Variants in CCDC73 observed in about 807,000 individuals in gnomAD.
The protein encoded by CCDC73 is coiled-coil domain-containing protein 73.
Under a neutral mutation model 116.5 loss-of-function variants are expected in CCDC73, and 95 were observed. The observed-to-expected ratio is 0.82, with a 90% confidence interval of 0.69 to 0.97. The LOEUF is 0.97. Ranked by LOEUF, CCDC73 falls within the 50% of genes least tolerant of loss-of-function variation. CCDC73 has a pLI of 0.00. For missense variants in CCDC73, 1,066 were observed against 1,206.8 expected, an observed-to-expected ratio of 0.88 and a Z score of 1.73; for synonymous variants, 398 against 401.3, an observed-to-expected ratio of 0.99 and a Z score of 0.10.
chr11:32,613,624 AG>A lies in CCDC73; in HGVS notation c.2693del (p.Thr898IlefsTer5). On this transcript the variant is annotated frameshift_variant, in exon 16 of 18. Transcript: ENST00000335185. LOFTEE classifies it high-confidence loss of function. ...GGTCTGAAAAATTCATGTATACTGGAGTTTTCTCAGTTTTTTTATCTGAAGT... is the reference window on the plus strand; with the variant it reads ...GGTCTGAAAAATTCATGTATACTGGATTTTCTCAGTTTTTTTATCTGAAGT... ...LSTSDKKTEK[T>X]PVYMNFSDPG... is the part of the protein sequence containing the mutation. 1 of 1,613,870 alleles carries A rather than the reference AG, an allele frequency of 6.2e-7. No homozygotes were observed. The highest frequency in any genetic ancestry group is 1.1e-5 in the South Asian group (1 of 91,076).
chr11:32,745,339 T>C (rs1427734551), intron 2 of CCDC73, among the ~76,000 whole-genome samples: 1 of 152,222 alleles, frequency 6.6e-6, no homozygotes, highest in Non-Finnish European at 1.5e-5. Flanking sequence ...TGGTCAATTT[T>C]AGAATAAGTG....
At chr11:32,788,579 A>G (rs948071581) in intron 1 of CCDC73, among the ~76,000 whole-genome samples, 2 of 151,112 alleles carry the variant, frequency 1.3e-5, no homozygotes, top group South Asian at 2.1e-4. Context: ...AGCTCATGAG[A>G]TCCTCCCACC....
At chr11:32,617,997 T>G (rs185067711) in intron 14 of CCDC73, among the ~76,000 whole-genome samples, 2 of 152,314 alleles carry the variant, frequency 1.3e-5, no homozygotes, top group Admixed American at 6.5e-5. Context: ...GTAGTGGGCA[T>G]AGTAATCAAT....
chr11:32,636,277 C>T (rs1255571537), intron 13 of CCDC73, among the ~76,000 whole-genome samples: 1 of 151,946 alleles, frequency 6.6e-6, no homozygotes, highest in African/African-American at 2.4e-5. Flanking sequence ...ATTCTACAAA[C>T]ATTATACTTC....
rs1222398949 is a variant in CCDC73 at position 32,683,548 on chromosome 11, T to C, written c.417A>G (p.Lys139=). ...LQVSKYSLQK[K]VSEMEQKVQL... Reference sequence around the variant, plus strand: ...GTAATTTCCTTACCATTTCACTCACTTTCTTCTGTAAAGAGTATTTAGAAA... The same window carrying C: ...GTAATTTCCTTACCATTTCACTCACCTTCTTCTGTAAAGAGTATTTAGAAA... The change falls in exon 7 of 18, where the codon AAA becomes AAG. Residue 139 remains lysine, a synonymous_variant. Transcript: ENST00000335185. 1.6e-5 allele frequency: 25 copies of C among 1,523,870 alleles called. No individual in the cohort carries two copies. The highest frequency in any genetic ancestry group is 2.7e-5 in the African/African-American group (2 of 73,264). 94.4% of individuals were successfully genotyped at this position (1,523,870 alleles called of 1,614,324 possible).
chr11:32,736,617 T>C (rs1263542635), intron 2 of CCDC73, among the ~76,000 whole-genome samples: 1 of 151,914 alleles, frequency 6.6e-6, no homozygotes, highest in Non-Finnish European at 1.5e-5. Flanking sequence ...TCCTCAAGGA[T>C]CTAGAACTAG....
At chr11:32,742,138 C>T (rs1850193362) in intron 2 of CCDC73, among the ~76,000 whole-genome samples, 1 of 152,040 alleles carries the variant, frequency 6.6e-6, no homozygotes, top group East Asian at 1.9e-4. Context: ...TGTGTCTTTA[C>T]AGCAGCATGA....
intron 3 of CCDC73, among the ~76,000 whole-genome samples, chr11:32,707,092 A>C (rs909186943): frequency 6.6e-5 from 10 of 152,116 alleles, no homozygotes; most frequent in African/African-American, 1.4e-4. Flanking sequence ...CCTCTACCTA[A>C]GTTTACAAAA....
rs538451402 is a variant in CCDC73 at position 32,679,057 on chromosome 11, TTATGA to T, written c.430-3041_430-3037del. On this transcript the variant is annotated intron_variant, in intron 7 of 17. Transcript: ENST00000335185. ...AAACATGATATATTATTGGTAATAATTATGATATATCAGTTGAAAATTTCTCATGT... is the reference window on the plus strand; with the variant it reads ...AAACATGATATATTATTGGTAATAATTATATCAGTTGAAAATTTCTCATGT... Among the ~76,000 whole-genome samples, 153 of 152,264 alleles carry T rather than the reference TTATGA, an allele frequency of 1.0e-3. 1 individual carries two copies. The highest frequency in any genetic ancestry group is 2.2e-3 in the Admixed American group (33 of 15,288).
the CCDC73 span, among the ~76,000 whole-genome samples, chr11:32,801,690 A>C: frequency 6.6e-6 from 1 of 151,622 alleles, no homozygotes; most frequent in Non-Finnish European, 1.5e-5. Context: ...CCAATAACAA[A>C]GAAGGAGAAA....
the CCDC73 span, among the ~76,000 whole-genome samples, chr11:32,819,152 T>C: frequency 2.2e-5 from 3 of 136,010 alleles, no homozygotes; most frequent in African/African-American, 8.5e-5. Flanking sequence ...GGAGGTATCA[T>C]TAGGACAGTG....
the CCDC73 span, chr11:32,830,240 T>G: frequency 2.8e-6 from 3 of 1,062,822 alleles, no homozygotes; most frequent in Non-Finnish European, 3.5e-6. Context: ...CTCGGCGGAC[T>G]GGGTTGGATT....
intron 2 of CCDC73, among the ~76,000 whole-genome samples, chr11:32,741,650 C>T (rs1023360137): frequency 4.0e-5 from 6 of 151,000 alleles, no homozygotes; most frequent in Non-Finnish European, 7.4e-5. Flanking sequence ...GCTACATGTT[C>T]TTTATGTATT....
At chr11:32,688,437 A>G (rs1344400185) in intron 6 of CCDC73, among the ~76,000 whole-genome samples, 2 of 152,228 alleles carry the variant, frequency 1.3e-5, no homozygotes, top group African/African-American at 4.8e-5. Context: ...AAAGAGATTA[A>G]AGAGCTATGA....
chr11:32,789,869 A>G (rs1850660619), intron 1 of CCDC73, among the ~76,000 whole-genome samples: 2 of 152,226 alleles, frequency 1.3e-5, no homozygotes, highest in Non-Finnish European at 2.9e-5. Context: ...ATGTGTGAAG[A>G]TGGACACCCA....
intron 1 of CCDC73, among the ~76,000 whole-genome samples, chr11:32,783,992 G>C (rs565368076): frequency 2.2e-4 from 33 of 152,260 alleles, no homozygotes; most frequent in Non-Finnish European, 4.1e-4. Context: ...AAAAGTTTTA[G>C]GTAACTGAGA....
chr11:32,622,309 C>G (rs1178745612), intron 14 of CCDC73, among the ~76,000 whole-genome samples: 1 of 152,092 alleles, frequency 6.6e-6, no homozygotes, highest in Non-Finnish European at 1.5e-5. Flanking sequence ...TGGATATACA[C>G]CATGTAATAC....
chr11:32,786,622 A>G (rs1369882803), intron 1 of CCDC73, among the ~76,000 whole-genome samples: 2 of 150,844 alleles, frequency 1.3e-5, no homozygotes, highest in African/African-American at 4.9e-5. Context: ...TAAGTATTAC[A>G]AGCTTTTTTA....
chr11:32,680,402 A>C (rs1419961485), intron 7 of CCDC73: 1 of 152,128 alleles, frequency 6.6e-6, no homozygotes, highest in Non-Finnish European at 1.5e-5. Flanking sequence ...ACGTAGTTTT[A>C]CTATCAAATG....
Sources: allele counts gnomAD v4.1 joint callset (sites outside exome capture counted in the v4.1 genomes callset), GRCh38; gene constraint gnomAD v4.1.1; transcripts MANE v1.5; gene names NCBI Gene and HGNC (gene_info 2026-07-23, HGNC 2026-07-21).